Variants in TCF12 observed in about 807,000 individuals in gnomAD.
The protein encoded by TCF12 is DNA-binding protein HTF4.
TCF12 carries 45 observed loss-of-function variants against 86.0 expected under a neutral mutation model. The observed-to-expected ratio is 0.52, with a 90% confidence interval of 0.41 to 0.67. The LOEUF is 0.67. Ranked by LOEUF, TCF12 falls within the 30% of genes least tolerant of loss-of-function variation. TCF12 has a pLI of 0.00. For synonymous variants in TCF12, 330 were observed against 299.6 expected (o/e 1.10, Z -1.05); for missense variants, 881 against 859.9 (o/e 1.02, Z -0.31).
rs1465860102 is a variant in TCF12, at chr15:57,177,998, G to A, written c.390+11532G>A. 3.3e-5 allele frequency among the ~76,000 whole-genome samples: 5 copies of A among 152,116 alleles called. No individual in the cohort carries two copies. The East Asian group carries it at 5.8e-4, about 18-fold the overall frequency. ...ATACTTTTGATGATACTTAGTGCTC[G>A]TTGGAAGCAGTTTCAGAAAGTCCGT... On this transcript the variant is annotated intron_variant, in intron 6 of 20. Transcript: ENST00000333725.
chr15:57,170,665 A>AT (rs1436486771), intron 6 of TCF12, among the ~76,000 whole-genome samples: 24 of 23,054 alleles, frequency 1.0e-3, no homozygotes, highest in African/African-American at 3.1e-3. Flanking sequence ...TATAAAATAT[A>AT]TATATATATA....
chr15:57,119,607 G>A (rs1258839560), intron 5 of TCF12, among the ~76,000 whole-genome samples: 3 of 151,448 alleles, frequency 2.0e-5, no homozygotes, highest in African/African-American at 7.3e-5. Flanking sequence ...TTAAGAAATA[G>A]AGTCTCTTTT....
rs182453775 is a variant in TCF12, at chr15:57,167,154, G to A, written c.390+688G>A. 2.3e-3 allele frequency among the ~76,000 whole-genome samples: 343 copies of A among 152,316 alleles called. 1 individual carries two copies. Among genetic ancestry groups the A allele is most frequent in the African/African-American group, 8.0e-3 (334 of 41,566 alleles). ...ATTTCAGGCATGGGCATGTGAGCCG[G>A]TTTTAACTGCCATGCTAATAATACT... On this transcript the variant is annotated intron_variant, in intron 6 of 20. Coordinates refer to ENST00000333725, the MANE Select transcript of TCF12 (RefSeq NM_207037.2).
chr15:57,206,582 CTTTTTTT>C (rs67531540), intron 8 of TCF12, among the ~76,000 whole-genome samples: 6,714 of 83,932 alleles, frequency 0.08, 445 homozygotes, highest in East Asian at 0.33. Context: ...CTTGTATTCT[CTTTTTTT>C]TTTTTTTTTT....
At chr15:57,005,795 C>T (rs1415363778) in intron 3 of TCF12, among the ~76,000 whole-genome samples, 1 of 152,066 alleles carries the variant, frequency 6.6e-6, no homozygotes, top group Non-Finnish European at 1.5e-5. Context: ...GTCTCGAACT[C>T]CTGACCTCAA....
At chr15:56,958,040 T>G (rs966499384) in intron 3 of TCF12, among the ~76,000 whole-genome samples, 1 of 152,360 alleles carries the variant, frequency 6.6e-6, no homozygotes, top group Middle Eastern at 3.4e-3. Flanking sequence ...GTGTGAATGC[T>G]TGGCACTGGT....
chr15:57,043,249 G>A (rs1427046218), intron 3 of TCF12, among the ~76,000 whole-genome samples: 4 of 152,070 alleles, frequency 2.6e-5, no homozygotes, highest in African/African-American at 9.7e-5. Flanking sequence ...ATAAACATGG[G>A]AATACAGATA....
At chr15:56,997,446 A>C (rs1387109295) in intron 3 of TCF12, among the ~76,000 whole-genome samples, 3 of 152,198 alleles carry the variant, frequency 2.0e-5, no homozygotes, top group Non-Finnish European at 4.4e-5. Flanking sequence ...AAATGAGAAC[A>C]GTAGACACTG....
At chr15:57,233,037 A>G (rs1014119919) in intron 11 of TCF12, among the ~76,000 whole-genome samples, 181 bp downstream of exon 11, 8 of 142,202 alleles carry the variant, frequency 5.6e-5, no homozygotes, top group Admixed American at 2.1e-4. Context: ...GTGTGTATAT[A>G]TGTTATATAT....
chr15:56,968,387 G>T (rs1379202010), intron 3 of TCF12, among the ~76,000 whole-genome samples: 2 of 150,416 alleles, frequency 1.3e-5, no homozygotes, highest in East Asian at 2.0e-4. Context: ...TTGAAATGGG[G>T]GTCTCACTGT....
chr15:57,202,414 G>A (rs1224356049), intron 8 of TCF12, among the ~76,000 whole-genome samples: 1 of 151,506 alleles, frequency 6.6e-6, no homozygotes, highest in East Asian at 1.9e-4. Context: ...AGCATGTGAT[G>A]GATTTTATTT....
chr15:56,992,586 T>G (rs2063508959), intron 3 of TCF12, among the ~76,000 whole-genome samples: 1 of 152,206 alleles, frequency 6.6e-6, no homozygotes, highest in Admixed American at 6.5e-5. Flanking sequence ...GTGCTATACA[T>G]TATGCCATTG....
chr15:57,175,932 C>T (rs1180822810), intron 6 of TCF12, among the ~76,000 whole-genome samples: 1 of 150,880 alleles, frequency 6.6e-6, no homozygotes, highest in African/African-American at 2.5e-5. Context: ...GAACATTAAA[C>T]CTTGGTAGAT....
At chr15:57,017,108 T>C (rs2065197003) in intron 3 of TCF12, among the ~76,000 whole-genome samples, 1 of 152,164 alleles carries the variant, frequency 6.6e-6, no homozygotes, top group Admixed American at 6.6e-5. Context: ...CTTGAAAGGG[T>C]GGCAGGCTAC....
intron 8 of TCF12, among the ~76,000 whole-genome samples, chr15:57,227,366 A>G (rs974462476): frequency 1.1e-4 from 16 of 152,130 alleles, no homozygotes; most frequent in Admixed American, 1.3e-4. Flanking sequence ...AACAGAGTGT[A>G]TGCCTTGAAT....
At chr15:57,188,585 T>G (rs1269713049) in intron 6 of TCF12, among the ~76,000 whole-genome samples, 2 of 152,176 alleles carry the variant, frequency 1.3e-5, no homozygotes, top group Non-Finnish European at 2.9e-5. Context: ...AAGCTACAGT[T>G]ATTAAAACAT....
chr15:56,993,891 T>TTCAAC (rs1414749903), intron 3 of TCF12, among the ~76,000 whole-genome samples: 1 of 152,220 alleles, frequency 6.6e-6, no homozygotes, highest in Non-Finnish European at 1.5e-5. Flanking sequence ...CAAGGAAGAT[T>TTCAAC]TCAACTCACA....
intron 5 of TCF12, among the ~76,000 whole-genome samples, chr15:57,115,982 T>C (rs542514385): frequency 6.6e-6 from 1 of 152,214 alleles, no homozygotes; most frequent in Non-Finnish European, 1.5e-5. Flanking sequence ...TTCCCAGACT[T>C]AGCATTTACA....
intron 4 of TCF12, among the ~76,000 whole-genome samples, chr15:57,073,227 C>T (rs1463711232): frequency 6.6e-6 from 1 of 152,032 alleles, no homozygotes; most frequent in Non-Finnish European, 1.5e-5. Flanking sequence ...TTATAGTTTT[C>T]TTTTTTAATC....
Sources: gnomAD v4.1 joint callset for allele counts (sites outside exome capture counted in the v4.1 genomes callset) on GRCh38, gnomAD v4.1.1 for gene constraint, MANE v1.5 for transcripts, NCBI Gene and HGNC (gene_info 2026-07-23, HGNC 2026-07-21) for gene names.